COMMD10: variants seen among roughly 807,000 people sequenced by gnomAD.
COMMD10 encodes COMM domain containing 10.
COMMD10 carries 33 observed loss-of-function variants against 28.9 expected under a neutral mutation model. That is an observed-to-expected ratio of 1.14 (90% CI 0.87 to 1.53). The LOEUF is 1.53. Among genes scored for constraint, COMMD10 ranks in the 40% most tolerant of loss-of-function variants. The probability of loss-of-function intolerance (pLI) is 0.00; values close to 1 mark genes in which losing one functional copy is unlikely to be tolerated. For synonymous variants in COMMD10, 110 were observed against 81.7 expected, an observed-to-expected ratio of 1.35 and a Z score of -1.87; for missense variants, 310 against 233.4, an observed-to-expected ratio of 1.33 and a Z score of -2.14.
intron 5 of COMMD10, among the ~76,000 whole-genome samples, chr5:116,223,457 A>G (rs1445031661): frequency 6.6e-6 from 1 of 152,188 alleles, no homozygotes; most frequent in African/African-American, 2.4e-5. Context: ...AAACTGTCTC[A>G]GACTCTGGGA....
intron 4 of COMMD10, among the ~76,000 whole-genome samples, chr5:116,102,741 C>T (rs1383387301): frequency 5.3e-5 from 8 of 151,970 alleles, no homozygotes; most frequent in South Asian, 2.1e-4. Context: ...TAGGTATACA[C>T]GTGCCATAGT....
intron 5 of COMMD10, among the ~76,000 whole-genome samples, chr5:116,162,188 T>C (rs1371117423): frequency 6.6e-6 from 1 of 152,196 alleles, no homozygotes; most frequent in Non-Finnish European, 1.5e-5. Context: ...TACAATAATT[T>C]ATAGATAGCT....
chr5:116,257,244 C>T (rs1198197640), intron 5 of COMMD10, among the ~76,000 whole-genome samples: 2 of 151,550 alleles, frequency 1.3e-5, no homozygotes, highest in African/African-American at 2.4e-5. Flanking sequence ...TGTCAGTGCT[C>T]AAAAACTTTC....
chr5:116,115,456 T>G (rs1286147908), intron 4 of COMMD10, among the ~76,000 whole-genome samples: 1 of 152,194 alleles, frequency 6.6e-6, no homozygotes, highest in Non-Finnish European at 1.5e-5. Context: ...AAGTGTGACT[T>G]TAACACTTTA....
chr5:116,112,490 A>G (rs11241360), intron 4 of COMMD10, among the ~76,000 whole-genome samples: 77,980 of 151,766 alleles, frequency 0.51, 22,312 homozygotes, highest in Non-Finnish European at 0.65. Flanking sequence ...TCCGTCTCCC[A>G]GGTTCAAGCA....
At chr5:116,102,453 T>C (rs1451073777) in intron 4 of COMMD10, among the ~76,000 whole-genome samples, 6 of 152,196 alleles carry the variant, frequency 3.9e-5, no homozygotes, top group Non-Finnish European at 8.8e-5. Context: ...GTTTTGGTTA[T>C]TATAGCCTTG....
At chr5:116,125,441 C>A (rs193127663) in intron 4 of COMMD10, among the ~76,000 whole-genome samples, 1 of 152,254 alleles carries the variant, frequency 6.6e-6, no homozygotes, top group African/African-American at 2.4e-5. Context: ...GTGGGTTTCC[C>A]TTTGTGGGTA....
rs183857601 is a variant in COMMD10 at position 116,249,572 on chromosome 5, A to G, written c.511-41945A>G. Among the ~76,000 whole-genome samples, 170 of 151,864 alleles carry G rather than the reference A, an allele frequency of 1.1e-3. 1 individual carries two copies. The highest frequency in any genetic ancestry group is 2.5e-3 in the Admixed American group (38 of 15,222). ...AAAATGAGAAGAGACAAGTCAAGGT[A>G]AATTCCCTCATATTCACATCTACAC... On this transcript the variant is annotated intron_variant, in intron 5 of 6. Transcript: ENST00000274458.
chr5:116,259,108 G>T (rs1289241706), intron 5 of COMMD10, among the ~76,000 whole-genome samples: 1 of 146,168 alleles, frequency 6.8e-6, no homozygotes, highest in Admixed American at 6.9e-5. Flanking sequence ...TCTCACCCAG[G>T]CTGGGATGCA....
At chr5:116,155,535 T>A (rs950363332) in intron 5 of COMMD10, among the ~76,000 whole-genome samples, 2 of 152,112 alleles carry the variant, frequency 1.3e-5, no homozygotes, top group Non-Finnish European at 2.9e-5. Flanking sequence ...ATTTTGTAGA[T>A]AAACAGACAT....
intron 5 of COMMD10, among the ~76,000 whole-genome samples, chr5:116,155,423 G>A (rs903694915): frequency 1.3e-5 from 2 of 151,962 alleles, no homozygotes; most frequent in South Asian, 4.1e-4. Context: ...TCTCCTGTCT[G>A]TTTCCATTTT....
chr5:116,237,167 T>C (rs1396118728), intron 5 of COMMD10, among the ~76,000 whole-genome samples: 2 of 152,088 alleles, frequency 1.3e-5, no homozygotes, highest in East Asian at 1.9e-4. Context: ...ATGTCTCTGA[T>C]ATGTTTGATG....
intron 5 of COMMD10, among the ~76,000 whole-genome samples, chr5:116,152,675 A>T (rs1420036005): frequency 1.3e-5 from 2 of 152,086 alleles, no homozygotes; most frequent in Admixed American, 6.6e-5. Context: ...TAGTTACAGC[A>T]TGGTCTTTTT....
At chr5:116,099,764 T>A (rs896552818) in intron 4 of COMMD10, among the ~76,000 whole-genome samples, 12 of 152,186 alleles carry the variant, frequency 7.9e-5, no homozygotes, top group African/African-American at 2.9e-4. Context: ...AGAATGTCTG[T>A]TCAGTTCCTT....
chr5:116,146,927 T>C (rs1204905609), intron 5 of COMMD10, among the ~76,000 whole-genome samples: 2 of 151,916 alleles, frequency 1.3e-5, no homozygotes, highest in African/African-American at 2.4e-5. Context: ...TTAATACTTA[T>C]GATCCAAAGC....
intron 5 of COMMD10, among the ~76,000 whole-genome samples, chr5:116,248,313 T>A (rs983419271): frequency 1.3e-5 from 2 of 151,954 alleles, no homozygotes; most frequent in East Asian, 3.9e-4. Context: ...CAGATACAGA[T>A]GGATACAGAT....
rs138795981 is a variant in COMMD10, at chr5:116,167,054, A to G, written c.510+32876A>G. Among the ~76,000 whole-genome samples the G allele has an allele frequency of 2.2e-3, 334 of 152,190 alleles. 1 individual carries two copies. The highest frequency in any genetic ancestry group is 7.7e-3 in the African/African-American group (321 of 41,546). Reference sequence around the variant, plus strand: ...AAATGGGTTATAACAAACTTCTCCGAGCTAAAGGAGCATGTTCTAATCCAA... The same window carrying G: ...AAATGGGTTATAACAAACTTCTCCGGGCTAAAGGAGCATGTTCTAATCCAA... On this transcript the variant is annotated intron_variant, in intron 5 of 6. Coordinates refer to ENST00000274458, the MANE Select transcript of COMMD10 (RefSeq NM_016144.4).
chr5:116,137,449 G>T (rs191980582), intron 5 of COMMD10, among the ~76,000 whole-genome samples: 2 of 152,142 alleles, frequency 1.3e-5, no homozygotes, highest in Admixed American at 6.5e-5. Flanking sequence ...TATGAAGTTG[G>T]TGTTGGTTTA....
chr5:116,231,591 C>G (rs2112654829), intron 5 of COMMD10, among the ~76,000 whole-genome samples: 2 of 149,834 alleles, frequency 1.3e-5, no homozygotes, highest in East Asian at 3.9e-4. Context: ...AGTCTAATGA[C>G]AAACTTATTA....
Sources: gnomAD v4.1 joint callset for allele counts (sites outside exome capture counted in the v4.1 genomes callset) on GRCh38, gnomAD v4.1.1 for gene constraint, MANE v1.5 for transcripts, NCBI Gene and HGNC (gene_info 2026-07-23, HGNC 2026-07-21) for gene names.